SP100: variants seen among roughly 807,000 people sequenced by gnomAD.
SP100 encodes SP100 nuclear body protein.
In SP100, 84 loss-of-function variants were observed where a neutral mutation model predicts 130.0. That is an observed-to-expected ratio of 0.65 (90% CI 0.54 to 0.77). SP100 has a LOEUF of 0.77. SP100 is among the 30% of genes least tolerant of loss of function. The probability of loss-of-function intolerance (pLI) is 0.00; values close to 1 mark genes in which losing one functional copy is unlikely to be tolerated. For synonymous variants in SP100, 331 were observed against 351.7 expected (o/e 0.94, Z 0.66); for missense variants, 978 against 1,052.2 (o/e 0.93, Z 0.97).
chr2:230,438,531 G>C (rs1170937177), intron 2 of SP100, among the ~76,000 whole-genome samples: 1 of 151,780 alleles, frequency 6.6e-6, no homozygotes, highest in Non-Finnish European at 1.5e-5. Context: ...ACGATACTTG[G>C]TTCCATTCCT....
chr2:230,480,427 A>G (rs891586060), intron 17 of SP100, among the ~76,000 whole-genome samples: 1 of 152,234 alleles, frequency 6.6e-6, no homozygotes, highest in African/African-American at 2.4e-5. Context: ...GGGATTTTTC[A>G]TTGCTTGCTC....
chr2:230,475,094 G>A (rs2065473662), intron 17 of SP100, among the ~76,000 whole-genome samples: 1 of 152,074 alleles, frequency 6.6e-6, no homozygotes, highest in Admixed American at 6.6e-5. Flanking sequence ...CTGTCTTTAA[G>A]TCTTTGAGGA....
At position 230,494,476 on chromosome 2, in the gene SP100, G is replaced by A. The variant is rs1228787339; in HGVS notation, c.1645+16G>A. The A allele has an allele frequency of 1.9e-6, 3 of 1,592,342 alleles. No individual in the cohort carries two copies. In the African/African-American group the frequency reaches 4.0e-5, roughly 21 times the overall value. ...CTCCAAAGAGGTAAGAAGAAATGTG[G>A]GGATTTACTCCTTTGAACTCGCTGT... On this transcript the variant is annotated intron_variant, in intron 18 of 28. Transcript: ENST00000340126.
intron 17 of SP100, among the ~76,000 whole-genome samples, chr2:230,490,971 G>A (rs2066361876): frequency 6.6e-6 from 1 of 152,030 alleles, no homozygotes. Context: ...TCTTCTCTTG[G>A]AGTATCTAGA....
intron 17 of SP100, among the ~76,000 whole-genome samples, chr2:230,484,912 T>C (rs1465773760): frequency 6.6e-6 from 1 of 151,994 alleles, no homozygotes; most frequent in East Asian, 1.9e-4. Flanking sequence ...GTTCATTATT[T>C]AAGGCTATTT....
At chr2:230,441,257 T>C (rs565386079) in intron 2 of SP100, among the ~76,000 whole-genome samples, 33 of 152,202 alleles carry the variant, frequency 2.2e-4, no homozygotes, top group African/African-American at 7.7e-4. Context: ...AAAACGAAAA[T>C]GACATATCAC....
At position 230,508,045 on chromosome 2, in the gene SP100, G is replaced by A; in HGVS notation, c.2052+14G>A. On this transcript the variant is annotated intron_variant, in intron 23 of 28. Coordinates refer to ENST00000340126, the MANE Select transcript of SP100 (RefSeq NM_001080391.2). ...ACAAGAAAAAAGGTGATGATCAAGT[G>A]ATCTTCTGCCAATGTCTCGTCTATT... The A allele has an allele frequency of 3.1e-6, 5 of 1,612,918 alleles. No individual in the cohort carries two copies. The highest frequency in any genetic ancestry group is 4.2e-6 in the Non-Finnish European group (5 of 1,179,482).
chr2:230,514,889 C>A (rs1690815663), intron 24 of SP100: 1 of 681,348 alleles, frequency 1.5e-6, no homozygotes, highest in Non-Finnish European at 2.2e-6. Context: ...TGGGAAGGGA[C>A]ATTACTTAAC....
At chr2:230,421,337 A>G in intron 2 of SP100, among the ~76,000 whole-genome samples, 1 of 152,114 alleles carries the variant, frequency 6.6e-6, no homozygotes, top group East Asian at 1.9e-4. Context: ...TGATTCCATC[A>G]GTTCTGGTTA....
At chr2:230,500,951 C>A (rs1452136216) in intron 19 of SP100, among the ~76,000 whole-genome samples, 2 of 152,020 alleles carry the variant, frequency 1.3e-5, no homozygotes, top group Non-Finnish European at 2.9e-5. Flanking sequence ...TCTTTTAAAC[C>A]TTTAGTTCAG....
At chr2:230,482,290 C>T (rs990092822) in intron 17 of SP100, among the ~76,000 whole-genome samples, 9 of 152,200 alleles carry the variant, frequency 5.9e-5, no homozygotes, top group Middle Eastern at 6.8e-3. Flanking sequence ...TGAATAAATA[C>T]TCTCGCTTCC....
At chr2:230,526,182 G>A (rs1029543066) in intron 24 of SP100, among the ~76,000 whole-genome samples, 1 of 152,086 alleles carries the variant, frequency 6.6e-6, no homozygotes, top group East Asian at 1.9e-4. Flanking sequence ...AAACAGGCAG[G>A]TGCCCCTCCG....
chr2:230,494,294 G>C (rs1371453655), intron 17 of SP100, 122 bp from the exon 18 acceptor site: 2 of 749,900 alleles, frequency 2.7e-6, no homozygotes, highest in Admixed American at 4.6e-5. Flanking sequence ...GGTGGCCGAG[G>C]ACTTAGCCCC....
At chr2:230,458,857 A>C (rs2064428690) in intron 8 of SP100, among the ~76,000 whole-genome samples, 1 of 152,210 alleles carries the variant, frequency 6.6e-6, no homozygotes, top group Admixed American at 6.5e-5. Flanking sequence ...GACATAGAAG[A>C]AGCTTGCAGA....
intron 18 of SP100, among the ~76,000 whole-genome samples, chr2:230,497,684 C>A (rs1482075220): frequency 6.6e-6 from 1 of 152,066 alleles, no homozygotes; most frequent in Non-Finnish European, 1.5e-5. Context: ...TTCTACCTAC[C>A]CCCATCACCT....
chr2:230,514,959 G>T lies in SP100; in HGVS notation c.2094+3793G>T, dbSNP rs1196649898. On this transcript the variant is annotated intron_variant, in intron 24 of 28. Coordinates refer to ENST00000340126, the MANE Select transcript of SP100 (RefSeq NM_001080391.2). ...ATTGAGCTCCATAGAGATAGTGCTG[G>T]CGCAAGTGAGAGCTGGACAGGCCCT... The T allele has an allele frequency of 1.5e-5, 21 of 1,440,390 alleles. No individual in the cohort carries two copies. In the Admixed American group the frequency reaches 4.9e-4, roughly 34 times the overall value. The allele number at this position is 1,440,390 out of a possible 1,614,324, so 89.2% of individuals were successfully genotyped here. A position where few individuals can be genotyped will look rare whatever the true frequency, so the allele number is the denominator to read the frequency against.
At chr2:230,538,642 C>T (rs1692044666) in intron 24 of SP100, 1 of 152,294 alleles carries the variant, frequency 6.6e-6, no homozygotes, top group African/African-American at 2.4e-5. Flanking sequence ...ACCTTACATG[C>T]CTAAGTCATG....
chr2:230,499,227 A>C (rs1025027922), intron 19 of SP100, among the ~76,000 whole-genome samples: 2 of 151,746 alleles, frequency 1.3e-5, no homozygotes, highest in African/African-American at 4.8e-5. Flanking sequence ...CCTCCACCAC[A>C]TAGAGGCTCT....
At chr2:230,453,483 T>C (rs954968387) in intron 8 of SP100, among the ~76,000 whole-genome samples, 3 of 152,208 alleles carry the variant, frequency 2.0e-5, no homozygotes, top group African/African-American at 7.2e-5. Context: ...CTGAGATACA[T>C]TTCTTCTATA....
Sources: allele counts gnomAD v4.1 joint callset (sites outside exome capture counted in the v4.1 genomes callset), GRCh38; gene constraint gnomAD v4.1.1; transcripts MANE v1.5; gene names NCBI Gene and HGNC (gene_info 2026-07-23, HGNC 2026-07-21).